Variants in CDK15 observed in about 807,000 individuals in gnomAD.
CDK15 encodes the protein cyclin dependent kinase 15.
A neutral mutation model predicts 60.3 loss-of-function variants in CDK15; 62 were observed. The observed-to-expected ratio is 1.03, with a 90% confidence interval of 0.84 to 1.27. The LOEUF is 1.27. Among genes scored for constraint, CDK15 ranks in the 50% most tolerant of loss-of-function variants. The pLI, the probability that CDK15 is intolerant of heterozygous loss-of-function variation, is 0.00. For synonymous variants in CDK15, 194 were observed against 195.7 expected (o/e 0.99, Z 0.07); for missense variants, 541 against 527.8 (o/e 1.03, Z -0.25).
chr2:201,821,930 C>A (rs932932500), intron 4 of CDK15, among the ~76,000 whole-genome samples: 1 of 152,228 alleles, frequency 6.6e-6, no homozygotes, highest in African/African-American at 2.4e-5. Context: ...ATCCACCCAC[C>A]TCGGCCTCCC....
chr2:201,841,682 G>T (rs1697390596), intron 8 of CDK15, among the ~76,000 whole-genome samples: 1 of 152,210 alleles, frequency 6.6e-6, no homozygotes, highest in Non-Finnish European at 1.5e-5. Flanking sequence ...TTGTCTTAAA[G>T]AAACCAATTA....
At chr2:201,818,643 T>A (rs957919472) in intron 4 of CDK15, among the ~76,000 whole-genome samples, 1 of 152,194 alleles carries the variant, frequency 6.6e-6, no homozygotes, top group African/African-American at 2.4e-5. Context: ...GATAAATGCT[T>A]TAAACATCAT....
intron 10 of CDK15, among the ~76,000 whole-genome samples, chr2:201,869,208 G>A (rs1319832468): frequency 2.0e-5 from 3 of 152,180 alleles, no homozygotes. Flanking sequence ...CATAGAAAAG[G>A]ATGAGTTCAT....
intron 4 of CDK15, among the ~76,000 whole-genome samples, chr2:201,817,584 A>G (rs929385401): frequency 3.9e-5 from 6 of 152,226 alleles, no homozygotes; most frequent in Admixed American, 1.3e-4. Flanking sequence ...AAACATTACA[A>G]AGTAATGATT....
intron 3 of CDK15, among the ~76,000 whole-genome samples, chr2:201,811,758 T>C (rs963871667): frequency 5.3e-5 from 8 of 152,122 alleles, no homozygotes; most frequent in African/African-American, 1.9e-4. Context: ...TGCGTGGAGA[T>C]ATGGTGGCTT....
chr2:201,859,070 C>G (rs1035862085), intron 10 of CDK15, among the ~76,000 whole-genome samples: 1 of 152,106 alleles, frequency 6.6e-6, no homozygotes, highest in Non-Finnish European at 1.5e-5. Context: ...ATCAAGCTGG[C>G]GGGCCGGGGC....
chr2:201,829,674 G>C (rs893694130), intron 6 of CDK15, among the ~76,000 whole-genome samples: 64 of 152,174 alleles, frequency 4.2e-4, no homozygotes, highest in Admixed American at 3.1e-3. Context: ...TTGTTCATTA[G>C]AGCACTGTCA....
chr2:201,877,233 TA>T (rs1210513667), intron 11 of CDK15, among the ~76,000 whole-genome samples: 1 of 152,182 alleles, frequency 6.6e-6, no homozygotes, highest in Non-Finnish European at 1.5e-5. Flanking sequence ...AACACAAGTT[TA>T]AAACAGGTCT....
At chr2:201,848,662 G>A (rs1276834696) in intron 9 of CDK15, among the ~76,000 whole-genome samples, 1 of 151,958 alleles carries the variant, frequency 6.6e-6, no homozygotes, top group African/African-American at 2.4e-5. Flanking sequence ...TTGTCTTTCC[G>A]TATCTGGCTT....
At chr2:201,850,103 G>C (rs1217552388) in intron 9 of CDK15, among the ~76,000 whole-genome samples, 1 of 152,118 alleles carries the variant, frequency 6.6e-6, no homozygotes, top group Non-Finnish European at 1.5e-5. Flanking sequence ...GATTACAGGC[G>C]TGAGCCACCG....
chr2:201,823,603 T>C, intron 5 of CDK15, 62 bp from the exon 6 acceptor site: 3 of 1,396,744 alleles, frequency 2.1e-6, no homozygotes, highest in Non-Finnish European at 3.1e-6. Flanking sequence ...ATGTTCTGCT[T>C]TAGGATGCTA....
intron 8 of CDK15, among the ~76,000 whole-genome samples, chr2:201,841,581 T>A (rs1440607401): frequency 6.6e-6 from 1 of 152,164 alleles, no homozygotes; most frequent in East Asian, 1.9e-4. Context: ...AAAGAAAGAA[T>A]AATCCTATTC....
At chr2:201,878,168 T>G (rs1370948917) in intron 11 of CDK15, among the ~76,000 whole-genome samples, 1 of 152,214 alleles carries the variant, frequency 6.6e-6, no homozygotes, top group Non-Finnish European at 1.5e-5. Flanking sequence ...CTTGTGCCTT[T>G]CCAGTTATAA....
chr2:201,880,956 G>A (rs1699253309), intron 12 of CDK15, among the ~76,000 whole-genome samples: 1 of 152,174 alleles, frequency 6.6e-6, no homozygotes. Context: ...TACCAGGAAG[G>A]AAAAACAGAA....
intron 11 of CDK15, chr2:201,876,486 G>A (rs1362655316): frequency 1.2e-6 from 1 of 805,062 alleles, no homozygotes; most frequent in East Asian, 6.5e-5. Context: ...GGTGGAGTTG[G>A]CTTGTACAGG....
In CDK15 at chr2:201,872,535, G is replaced by A. The variant is rs549609984; in HGVS notation, c.1058+209G>A. On this transcript the variant is annotated intron_variant, in intron 11 of 13. Coordinates refer to ENST00000652192, the MANE Select transcript of CDK15 (RefSeq NM_001366386.2). ...CATTTTACTTTCAGTGAGTTTGGTCGTTAAAATTGTTTTGTGTCCCTCAGC... is the reference window on the plus strand; with the variant it reads ...CATTTTACTTTCAGTGAGTTTGGTCATTAAAATTGTTTTGTGTCCCTCAGC... Among the ~76,000 whole-genome samples, 6 of 152,180 alleles carry A rather than the reference G, an allele frequency of 3.9e-5. No homozygotes were observed. The South Asian group carries it at 6.2e-4, about 16-fold the overall frequency.
intron 12 of CDK15, among the ~76,000 whole-genome samples, chr2:201,887,275 A>G (rs1699484790): frequency 6.6e-6 from 1 of 152,248 alleles, no homozygotes; most frequent in African/African-American, 2.4e-5. Flanking sequence ...ATTGCATATT[A>G]TAAAGTATCT....
chr2:201,855,230 G>T (rs1177731196), intron 10 of CDK15, among the ~76,000 whole-genome samples: 3 of 152,142 alleles, frequency 2.0e-5, no homozygotes, highest in African/African-American at 7.2e-5. Flanking sequence ...TGGCTCAAAA[G>T]AACAACTCAA....
chr2:201,861,004 G>C (rs1672572817), intron 10 of CDK15: 1 of 1,179,082 alleles, frequency 8.5e-7, no homozygotes, highest in Non-Finnish European at 1.1e-6. Flanking sequence ...TCTGCATCTG[G>C]GTCGGCATCA....
Sources: gnomAD v4.1 joint callset for allele counts (sites outside exome capture counted in the v4.1 genomes callset) on GRCh38, gnomAD v4.1.1 for gene constraint, MANE v1.5 for transcripts, NCBI Gene and HGNC (gene_info 2026-07-23, HGNC 2026-07-21) for gene names.